The following IL17REL variants were observed in gnomAD, a reference collection of about 807,000 sequenced individuals.
IL17REL encodes interleukin-17 receptor E-like protein.
A neutral mutation model predicts 49.0 loss-of-function variants in IL17REL; 36 were observed. The observed-to-expected ratio is 0.73, with a 90% CI of 0.56 to 0.97. IL17REL has a LOEUF of 0.97. IL17REL is among the 50% of genes least tolerant of loss of function. The pLI is 0.00. For missense variants in IL17REL, 470 were observed against 453.9 expected (o/e 1.04, Z -0.32); for synonymous variants, 206 against 192.4 (o/e 1.07, Z -0.58).
chr22:49,997,280 C>G, intron 11 of IL17REL, 40 bp downstream of exon 13: 1 of 1,588,678 alleles, frequency 6.3e-7, no homozygotes, highest in Non-Finnish European at 8.6e-7. Context: ...CCGCCACCAC[C>G]CCCACCTCCC....
Position 50,001,288 on chromosome 22 carries a change from G to A in IL17REL, c.-41-57C>T, listed in dbSNP as rs7291439. On this transcript the variant is annotated intron_variant, in intron 1 of 12. Coordinates refer to ENST00000341280, the Ensembl canonical transcript of IL17REL. ...GTTCCCTGGTGCTCGGAAAGGCTTTGTGGGTGGTTCTGGGAAGGGGGAGAG... is the reference window on the plus strand; with the variant it reads ...GTTCCCTGGTGCTCGGAAAGGCTTTATGGGTGGTTCTGGGAAGGGGGAGAG... 1,025 of 765,528 alleles carry A rather than the reference G, an allele frequency of 1.3e-3. 9 individuals are homozygous for A. In the African/African-American group the frequency reaches 0.014, roughly 10 times the overall value. 47.4% of individuals were successfully genotyped at this position (765,528 alleles called of 1,614,324 possible).
chr22:50,004,970 TAA>T (rs11455056), intron 1 of IL17REL, among the ~76,000 whole-genome samples: 16 of 51,932 alleles, frequency 3.1e-4, no homozygotes, highest in East Asian at 2.6e-3. Flanking sequence ...AACCAGAAAG[TAA>T]AAAAAAAAAA....
chr22:50,005,811 C>G (rs1645418981), intron 1 of IL17REL, among the ~76,000 whole-genome samples: 2 of 130,592 alleles, frequency 1.5e-5, no homozygotes, highest in Non-Finnish European at 3.2e-5. Context: ...TCCCCCTACC[C>G]CCCAGAAAAT....
At chr22:49,998,527 T>A (rs775088311) in intron 7 of IL17REL, among the ~76,000 whole-genome samples, 1 of 151,722 alleles carries the variant, frequency 6.6e-6, no homozygotes, top group Non-Finnish European at 1.5e-5. Context: ...TGTGTGTGCC[T>A]GTGCATGGGT....
upstream of IL17REL, among the ~76,000 whole-genome samples, chr22:50,011,442 A>G (rs2061141014): frequency 6.6e-6 from 1 of 151,872 alleles, no homozygotes; most frequent in Non-Finnish European, 1.5e-5. Flanking sequence ...CGCCTCAGCA[A>G]AGCTTTCCAG....
chr22:50,010,847 C>A (rs1217428547), upstream of IL17REL, among the ~76,000 whole-genome samples: 3 of 151,454 alleles, frequency 2.0e-5, no homozygotes, highest in Non-Finnish European at 4.4e-5. Flanking sequence ...GGGCGCTGGG[C>A]GCCTCCCCCG....
At chr22:50,010,570 G>A (rs1372035954), upstream of IL17REL, among the ~76,000 whole-genome samples, 2 of 152,242 alleles carry the variant, frequency 1.3e-5, no homozygotes, top group Admixed American at 6.5e-5. Flanking sequence ...CCACCTTCAG[G>A]AGAGAAAGAA....
chr22:49,998,188 C>T (rs748026900), exon 8 of IL17REL: 23 of 1,610,902 alleles, frequency 1.4e-5, no homozygotes, highest in South Asian at 8.8e-5. Flanking sequence ...AGCCGGCCCC[C>T]GGCCCCGGGC....
Position 49,998,392 on chromosome 22 carries a change from G to T in IL17REL, c.602-83C>A. 3 of 1,359,440 alleles carry T rather than the reference G, an allele frequency of 2.2e-6. No homozygotes were observed. The South Asian group carries it at 4.3e-5, about 19-fold the overall frequency. 84.2% of individuals were successfully genotyped at this position (1,359,440 alleles called of 1,614,324 possible). On this transcript the variant is annotated intron_variant, in intron 7 of 12. Transcript: ENST00000341280. Reference sequence around the variant, plus strand: ...CATGGGGTCTAGCACCCACTCAAGTGACCACTGGGCCAGGGTCCAGCGCAG... The same window carrying T: ...CATGGGGTCTAGCACCCACTCAAGTTACCACTGGGCCAGGGTCCAGCGCAG...
At chr22:50,006,308 T>C (rs2061110236) in intron 1 of IL17REL, among the ~76,000 whole-genome samples, 1 of 152,040 alleles carries the variant, frequency 6.6e-6, no homozygotes, top group Non-Finnish European at 1.5e-5. Context: ...GGAAGACCCA[T>C]GAAACCTCAG....
At position 49,999,522 on chromosome 22, in the gene IL17REL, G is replaced by A. The variant is rs1397165257; in HGVS notation, c.475-20C>T. The A allele has an allele frequency of 3.8e-6, 6 of 1,586,012 alleles. No individual in the cohort carries two copies. Among genetic ancestry groups the A allele is most frequent in the East Asian group, 4.6e-5 (2 of 43,524 alleles). Reference sequence around the variant, plus strand: ...GGTCACCTGCAACCCAGAAAGGGCGGCTGAGGGGCCGCGCGGGAGGGCGGG... The same window carrying A: ...GGTCACCTGCAACCCAGAAAGGGCGACTGAGGGGCCGCGCGGGAGGGCGGG... On this transcript the variant is annotated intron_variant, in intron 5 of 12. Coordinates refer to ENST00000341280, the Ensembl canonical transcript of IL17REL.
At chr22:49,997,586 T>C in intron 10 of IL17REL, 99 bp downstream of exon 12, 1 of 1,439,070 alleles carries the variant, frequency 6.9e-7, no homozygotes, top group Non-Finnish European at 9.8e-7. Context: ...TCCCCCACAC[T>C]GGCTTGGCAC....
At chr22:49,997,956 C>G in intron 9 of IL17REL, 69 bp downstream of exon 11, 2 of 1,568,654 alleles carry the variant, frequency 1.3e-6, no homozygotes, top group Non-Finnish European at 1.7e-6. Flanking sequence ...GCCCCTGCCC[C>G]ACTCCCCGCC....
intron 1 of IL17REL, among the ~76,000 whole-genome samples, chr22:50,005,936 T>C (rs762327808): frequency 6.6e-6 from 1 of 152,068 alleles, no homozygotes; most frequent in African/African-American, 2.4e-5. Flanking sequence ...CCAATTGGGC[T>C]GGAGAAAAAA....
chr22:49,999,920 C>G, exon 5 of IL17REL: 1 of 1,538,872 alleles, frequency 6.5e-7, no homozygotes, highest in Non-Finnish European at 8.8e-7. Context: ...GGCACTTGCA[C>G]CAGAATCGCC....
In IL17REL at chr22:49,999,950, A is replaced by C. The variant is rs150229652; in HGVS notation, c.352T>G (p.Trp118Gly). The C allele has an allele frequency of 2.3e-4, 354 of 1,518,428 alleles. 2 individuals carry two copies. In the East Asian group the frequency reaches 7.5e-3, roughly 32 times the overall value. 94.1% of individuals were successfully genotyped at this position (1,518,428 alleles called of 1,614,324 possible). ...ATCGCCTTGCGCCTCCGGTCCACCC[A>C]GTAGCTGAGCTTCCCCGCTGCAGGA... is the stretch of plus-strand genomic sequence containing the variant. The change falls in exon 5 of 13, where the codon TGG becomes GGG. Residue 118 changes from tryptophan to glycine, a missense_variant. Transcript: ENST00000341280.
upstream of IL17REL, among the ~76,000 whole-genome samples, chr22:50,012,114 C>T (rs137871): frequency 0.5 from 76,664 of 151,976 alleles, 19,674 homozygotes; most frequent in South Asian, 0.74. Flanking sequence ...AGCCCTCCAC[C>T]CCAACCCAGC....
At chr22:50,001,495 T>C (rs2061080288) in intron 1 of IL17REL, among the ~76,000 whole-genome samples, 1 of 152,012 alleles carries the variant, frequency 6.6e-6, no homozygotes, top group African/African-American at 2.4e-5. Context: ...ATCAGAGCAG[T>C]GGAAGCTGCT....
In IL17REL at chr22:50,001,246, G is replaced by A. The variant is rs2061078520; in HGVS notation, c.-41-15C>T. 4.4e-6 allele frequency: 5 copies of A among 1,139,356 alleles called. No homozygotes were observed. Among genetic ancestry groups the A allele is most frequent in the South Asian group, 2.7e-5 (2 of 74,298 alleles). The allele number at this position is 1,139,356 out of a possible 1,614,324, so 70.6% of individuals were successfully genotyped here. The stretch of plus-strand genomic sequence containing the variant: ...AAAAATGTTCCCTGGGGAGGGAGAA[G>A]GAGCGTGAGGCCTCGAGTTCCCTGG... On this transcript the variant is annotated splice_polypyrimidine_tract_variant and intron_variant, in intron 1 of 12. Transcript: ENST00000341280.
Sources: gnomAD v4.1 joint callset for allele counts (sites outside exome capture counted in the v4.1 genomes callset) on GRCh38, gnomAD v4.1.1 for gene constraint, MANE v1.5 for transcripts, NCBI Gene and HGNC (gene_info 2026-07-23, HGNC 2026-07-21) for gene names.